Variants in SLCO6A1 observed in about 807,000 individuals in gnomAD.
The protein encoded by SLCO6A1 is cancer/testis antigen 48.
Under a neutral mutation model 72.7 loss-of-function variants are expected in SLCO6A1, and 65 were observed. The observed-to-expected ratio is 0.89, with a 90% CI of 0.73 to 1.10. SLCO6A1 has a LOEUF of 1.10. Ranked by LOEUF, SLCO6A1 falls within the 50% of genes least tolerant of loss-of-function variation. SLCO6A1 has a pLI of 0.00. For synonymous variants in SLCO6A1, 314 were observed against 298.2 expected, an observed-to-expected ratio of 1.05 and a Z score of -0.55; for missense variants, 874 against 872.6, an observed-to-expected ratio of 1.00 and a Z score of -0.02.
intron 8 of SLCO6A1, among the ~76,000 whole-genome samples, chr5:102,415,631 T>A (rs1209288680): frequency 6.6e-6 from 1 of 152,054 alleles, no homozygotes. Context: ...GAAAAATTCT[T>A]TCAGACATTG....
At chr5:102,411,822 C>T (rs954507718) in intron 9 of SLCO6A1, among the ~76,000 whole-genome samples, 2 of 152,076 alleles carry the variant, frequency 1.3e-5, no homozygotes, top group African/African-American at 4.8e-5. Flanking sequence ...GCAAAGCAGT[C>T]CTTTGTGGGG....
chr5:102,389,090 A>G (rs1273303818), intron 11 of SLCO6A1, among the ~76,000 whole-genome samples: 2 of 152,198 alleles, frequency 1.3e-5, no homozygotes, highest in African/African-American at 2.4e-5. Flanking sequence ...TTTAAACGAC[A>G]TCTCAATACT....
rs755866731 is a variant in SLCO6A1 at position 102,373,476 on chromosome 5, C to G, written c.2036G>C (p.Cys679Ser). 6.7e-7 allele frequency: 1 copy of G among 1,493,472 alleles called. No homozygotes were observed. The highest frequency in any genetic ancestry group is 2.2e-5 in the Admixed American group (1 of 45,350). 92.5% of individuals were successfully genotyped at this position (1,493,472 alleles called of 1,614,324 possible). Residue 679 changes from cysteine to serine, a missense_variant, in exon 13 of 14, where the codon TGC (cysteine) becomes TCC (serine). By Grantham distance (112) the Cys-to-Ser change is moderately radical. Transcript: ENST00000506729. ...TGCAATAGTAGTGAAGATGATAGTGCATAGTTTGCAAAGAAAACCTAAATT... is the reference window on the plus strand; with the variant it reads ...TGCAATAGTAGTGAAGATGATAGTGGATAGTTTGCAAAGAAAACCTAAATT... ...LVGICFLCKL[C>S]TIIFTTIAFF...
chr5:102,433,203 G>A (rs1749315584), intron 7 of SLCO6A1, among the ~76,000 whole-genome samples: 1 of 152,108 alleles, frequency 6.6e-6, no homozygotes, highest in African/African-American at 2.4e-5. Context: ...CTTAGAATGA[G>A]TTTCAACGTT....
At chr5:102,395,411 G>A (rs953235382) in intron 10 of SLCO6A1, among the ~76,000 whole-genome samples, 1 of 152,196 alleles carries the variant, frequency 6.6e-6, no homozygotes, top group East Asian at 1.9e-4. Flanking sequence ...CGGTGTATAT[G>A]TGCCACATTT....
intron 6 of SLCO6A1, among the ~76,000 whole-genome samples, chr5:102,440,105 A>G (rs1749751470): frequency 6.6e-6 from 1 of 152,144 alleles, no homozygotes; most frequent in Non-Finnish European, 1.5e-5. Context: ...AAAAAGCCCA[A>G]GAGAGATGCA....
At chr5:102,459,147 C>G (rs1003809333) in intron 5 of SLCO6A1, among the ~76,000 whole-genome samples, 1 of 152,130 alleles carries the variant, frequency 6.6e-6, no homozygotes, top group Non-Finnish European at 1.5e-5. Context: ...TGGTGGCCTA[C>G]ACCTGTAATC....
intron 1 of SLCO6A1, among the ~76,000 whole-genome samples, chr5:102,496,784 T>A (rs930702859): frequency 3.3e-5 from 5 of 152,194 alleles, no homozygotes; most frequent in Admixed American, 3.3e-4. Context: ...AATTACCCCC[T>A]TATGGTGCCT....
At chr5:102,459,947 G>T (rs1750940508) in intron 4 of SLCO6A1, among the ~76,000 whole-genome samples, 170 bp from the exon 5 acceptor site, 1 of 152,086 alleles carries the variant, frequency 6.6e-6, no homozygotes. Context: ...TGTTGAGTGG[G>T]AATAATTGTG....
intron 12 of SLCO6A1, among the ~76,000 whole-genome samples, chr5:102,378,636 G>A (rs1297046326): frequency 6.6e-6 from 1 of 152,064 alleles, no homozygotes; most frequent in Middle Eastern, 3.2e-3. Flanking sequence ...ACTCATTTGT[G>A]TCTGGTTTCT....
chr5:102,491,489 G>T (rs1032798050), intron 1 of SLCO6A1, among the ~76,000 whole-genome samples: 1 of 152,232 alleles, frequency 6.6e-6, no homozygotes, highest in Non-Finnish European at 1.5e-5. Context: ...CCACGGAGGT[G>T]GGGGAGGCTC....
intron 1 of SLCO6A1, among the ~76,000 whole-genome samples, chr5:102,488,708 C>T (rs888570645): frequency 2.0e-5 from 3 of 152,162 alleles, no homozygotes; most frequent in Non-Finnish European, 2.9e-5. Flanking sequence ...AATGTTGTTA[C>T]TACAACCTAG....
chr5:102,468,440 C>T (rs1472393903), intron 4 of SLCO6A1, among the ~76,000 whole-genome samples: 1 of 151,776 alleles, frequency 6.6e-6, no homozygotes, highest in Admixed American at 6.6e-5. Flanking sequence ...ACTGAAGTCC[C>T]CACTATTATT....
chr5:102,479,661 T>C (rs1307374169), intron 2 of SLCO6A1, among the ~76,000 whole-genome samples: 1 of 152,040 alleles, frequency 6.6e-6, no homozygotes, highest in Non-Finnish European at 1.5e-5. Context: ...ATTCCCTTGC[T>C]CTCTTTCAAA....
intron 1 of SLCO6A1, among the ~76,000 whole-genome samples, chr5:102,486,595 A>G (rs1752451372): frequency 6.6e-6 from 1 of 152,168 alleles, no homozygotes; most frequent in Non-Finnish European, 1.5e-5. Context: ...AAGAAAGGCA[A>G]TGTATACCAA....
At chr5:102,400,608 A>G (rs1747344900) in intron 9 of SLCO6A1, among the ~76,000 whole-genome samples, 1 of 152,038 alleles carries the variant, frequency 6.6e-6, no homozygotes, top group Non-Finnish European at 1.5e-5. Context: ...CAATTTATTA[A>G]TTTATTGGAA....
intron 7 of SLCO6A1, among the ~76,000 whole-genome samples, chr5:102,423,789 G>C (rs942117459): frequency 2.6e-5 from 4 of 152,170 alleles, no homozygotes; most frequent in Non-Finnish European, 5.9e-5. Context: ...GACAACTACA[G>C]AACTCTTCAC....
intron 9 of SLCO6A1, among the ~76,000 whole-genome samples, chr5:102,408,594 G>C (rs938216321): frequency 4.6e-5 from 7 of 152,200 alleles, no homozygotes; most frequent in African/African-American, 1.7e-4. Context: ...GTGGTGGGGG[G>C]AATGAGGAGT....
chr5:102,475,850 T>A, intron 3 of SLCO6A1, 57 bp from the exon 4 acceptor site: 1 of 1,323,136 alleles, frequency 7.6e-7, no homozygotes, highest in Non-Finnish European at 1.1e-6. Context: ...AGCTTCGTTA[T>A]GATAAAAATT....
Sources: allele counts gnomAD v4.1 joint callset (sites outside exome capture counted in the v4.1 genomes callset), GRCh38; gene constraint gnomAD v4.1.1; transcripts MANE v1.5; gene names NCBI Gene and HGNC (gene_info 2026-07-23, HGNC 2026-07-21).